GPM6A: variants seen among roughly 807,000 people sequenced by gnomAD.
GPM6A encodes glycoprotein M6A.
Under a neutral mutation model 32.1 loss-of-function variants are expected in GPM6A, and 7 were observed. The ratio of observed to expected loss-of-function variants is 0.22; its 90% CI spans 0.12 to 0.41. GPM6A has a LOEUF of 0.41. GPM6A is among the 10% of genes least tolerant of loss of function. GPM6A has a pLI of 1.00. For missense variants in GPM6A, 235 were observed against 347.2 expected (o/e 0.68, Z 2.57); for synonymous variants, 130 against 123.4 (o/e 1.05, Z -0.35).
chr4:175,945,464 A>G (rs962983189), intron 1 of GPM6A, among the ~76,000 whole-genome samples: 3 of 152,044 alleles, frequency 2.0e-5, no homozygotes, highest in African/African-American at 4.8e-5. Context: ...ATACGCACCC[A>G]TATTACTCAG....
chr4:175,903,379 A>G (rs974497744), intron 1 of GPM6A, among the ~76,000 whole-genome samples: 1 of 152,192 alleles, frequency 6.6e-6, no homozygotes, highest in South Asian at 2.1e-4. Flanking sequence ...AGAGGGAATG[A>G]TGAAGTAAGA....
intron 1 of GPM6A, among the ~76,000 whole-genome samples, chr4:175,829,626 T>A (rs1040449020): frequency 6.8e-6 from 1 of 146,702 alleles, no homozygotes; most frequent in African/African-American, 2.5e-5. Context: ...TCAGAAAAAC[T>A]ACCAAAATAA....
At position 175,855,826 on chromosome 4, in the gene GPM6A, A is replaced by C. The variant is rs561818418; in HGVS notation, c.-22-43577T>G. The stretch of plus-strand genomic sequence containing the variant: ...CATGGAAATATTTGTAAATATGTAC[A>C]TATTATAGGTTAATATACACATATA... On this transcript the variant is annotated intron_variant, in intron 1 of 7. Coordinates refer to the GPM6A transcript ENST00000280187. Among the ~76,000 whole-genome samples, 10 of 152,354 alleles carry C rather than the reference A, an allele frequency of 6.6e-5. No individual in the cohort carries two copies. In the South Asian group the frequency reaches 1.9e-3, roughly 28 times the overall value.
chr4:175,809,263 G>A (rs1298883861), intron 1 of GPM6A, among the ~76,000 whole-genome samples: 3 of 152,156 alleles, frequency 2.0e-5, no homozygotes, highest in African/African-American at 7.2e-5. Flanking sequence ...CCCCTCTGTA[G>A]TAACTGGGGT....
At chr4:175,726,402 T>C (rs566865390) in intron 1 of GPM6A, among the ~76,000 whole-genome samples, 10 of 152,328 alleles carry the variant, frequency 6.6e-5, no homozygotes, top group Middle Eastern at 3.4e-3. Flanking sequence ...CTCCTAAGAA[T>C]TGTGTTTCCT....
intron 3 of GPM6A, among the ~76,000 whole-genome samples, chr4:175,669,519 T>C (rs1317144412): frequency 6.6e-6 from 1 of 152,204 alleles, no homozygotes; most frequent in Non-Finnish European, 1.5e-5. Flanking sequence ...ACGTTGACGC[T>C]CAAAAAGTTT....
intron 2 of GPM6A, among the ~76,000 whole-genome samples, chr4:175,677,280 T>C (rs1743424270): frequency 6.6e-6 from 1 of 152,210 alleles, no homozygotes; most frequent in Admixed American, 6.5e-5. Context: ...GCTATAAATT[T>C]GGCCTGAAAT....
chr4:175,973,476 G>T (rs989731412), intron 1 of GPM6A, among the ~76,000 whole-genome samples: 1 of 152,232 alleles, frequency 6.6e-6, no homozygotes, highest in Non-Finnish European at 1.5e-5. Context: ...CATGCAAAGT[G>T]AGGTACTTAA....
At chr4:175,681,246 C>G (rs1374860577) in intron 2 of GPM6A, among the ~76,000 whole-genome samples, 2 of 152,182 alleles carry the variant, frequency 1.3e-5, no homozygotes, top group Non-Finnish European at 2.9e-5. Flanking sequence ...TTCTCCCCAT[C>G]CTCAACAGAA....
intron 1 of GPM6A, among the ~76,000 whole-genome samples, chr4:175,703,440 G>A (rs904644222): frequency 1.3e-5 from 2 of 151,964 alleles, no homozygotes; most frequent in African/African-American, 4.8e-5. Context: ...CAAAGTGCTG[G>A]GATTATAAGC....
chr4:175,778,001 A>G (rs959596775), intron 1 of GPM6A, among the ~76,000 whole-genome samples: 1 of 152,212 alleles, frequency 6.6e-6, no homozygotes, highest in East Asian at 1.9e-4. Context: ...CTACTTTTTT[A>G]GAATTTATCA....
chr4:175,707,738 C>T (rs986755330), intron 1 of GPM6A, among the ~76,000 whole-genome samples: 1 of 151,874 alleles, frequency 6.6e-6, no homozygotes, highest in Non-Finnish European at 1.5e-5. Flanking sequence ...GAAAAGGTAT[C>T]TTTTGTGATC....
intron 1 of GPM6A, among the ~76,000 whole-genome samples, chr4:175,909,407 C>T (rs1012597516): frequency 9.2e-5 from 14 of 151,982 alleles, no homozygotes; most frequent in Non-Finnish European, 1.6e-4. Flanking sequence ...AGAGAAATGC[C>T]AGTGTAAATA....
intron 1 of GPM6A, among the ~76,000 whole-genome samples, chr4:175,971,683 C>T (rs1486752485): frequency 6.6e-6 from 1 of 152,148 alleles, no homozygotes; most frequent in Admixed American, 6.6e-5. Flanking sequence ...GTAGAAGAAA[C>T]AGTGGTTTTG....
chr4:175,920,387 A>C (rs1354509794), intron 1 of GPM6A, among the ~76,000 whole-genome samples: 1 of 152,220 alleles, frequency 6.6e-6, no homozygotes, highest in African/African-American at 2.4e-5. Flanking sequence ...AAATGACACA[A>C]AAAAATAAAG....
rs193032929 is a variant in GPM6A at position 175,655,411 on chromosome 4, G to A, written c.388-3424C>T. On this transcript the variant is annotated intron_variant, in intron 3 of 6. Coordinates refer to ENST00000393658, the MANE Select transcript of GPM6A (RefSeq NM_201591.3). ...GAAGAATTATTCAAATTGATTATGC[G>A]TAATCCTACGTAGAAAATCTTTTTA... 2.9e-3 allele frequency among the ~76,000 whole-genome samples: 436 copies of A among 151,914 alleles called. 4 individuals carry two copies. The highest frequency in any genetic ancestry group is 9.7e-3 in the African/African-American group (404 of 41,460).
intron 1 of GPM6A, among the ~76,000 whole-genome samples, chr4:175,903,638 T>G (rs1376251320): frequency 6.6e-6 from 1 of 152,170 alleles, no homozygotes; most frequent in Non-Finnish European, 1.5e-5. Context: ...GTGGTATTCC[T>G]GCAGAAAAAG....
chr4:175,834,350 A>G (rs1277027189), intron 1 of GPM6A, among the ~76,000 whole-genome samples: 1 of 152,108 alleles, frequency 6.6e-6, no homozygotes, highest in African/African-American at 2.4e-5. Flanking sequence ...AGTTTGTTTT[A>G]TTCTTGGCTT....
Position 175,897,358 on chromosome 4 carries a change from C to T in GPM6A, c.-22-85109G>A, listed in dbSNP as rs566377110. ...TTACTTCCCACTCTCCAATCTCACT[C>T]CAGTGCCTCCCATTGATGGAATAAT... On this transcript the variant is annotated intron_variant, in intron 1 of 7. Coordinates refer to the GPM6A transcript ENST00000280187. Among the ~76,000 whole-genome samples the T allele has an allele frequency of 7.9e-5, 12 of 152,232 alleles. No individual in the cohort carries two copies. The South Asian group carries it at 2.5e-3, about 32-fold the overall frequency.
Sources: gnomAD v4.1 joint callset for allele counts (sites outside exome capture counted in the v4.1 genomes callset) on GRCh38, gnomAD v4.1.1 for gene constraint, MANE v1.5 for transcripts, NCBI Gene and HGNC (gene_info 2026-07-23, HGNC 2026-07-21) for gene names.